EPHA3: variants seen among roughly 807,000 people sequenced by gnomAD.
EPHA3 encodes EPH receptor A3, also known as ephrin type-A receptor 3.
EPHA3 carries 42 observed loss-of-function variants against 107.1 expected under a neutral mutation model. The ratio of observed to expected loss-of-function variants is 0.39; its 90% confidence interval spans 0.31 to 0.51. The LOEUF (loss-of-function observed/expected upper bound fraction) is 0.51. EPHA3 is among the 20% of genes least tolerant of loss of function. The pLI is 0.78. For missense variants in EPHA3, 1,183 were observed against 1,211.2 expected (o/e 0.98, Z 0.35); for synonymous variants, 461 against 424.8 (o/e 1.09, Z -1.05).
intron 3 of EPHA3, among the ~76,000 whole-genome samples, chr3:89,307,761 C>T (rs555427512): frequency 1.3e-5 from 2 of 152,140 alleles, no homozygotes; most frequent in Admixed American, 1.3e-4. Flanking sequence ...TCATGTTGCC[C>T]AGGTTGGTCT....
At chr3:89,451,998 A>G (rs993511252) in intron 15 of EPHA3, among the ~76,000 whole-genome samples, 7 of 152,080 alleles carry the variant, frequency 4.6e-5, no homozygotes, top group African/African-American at 1.7e-4. Flanking sequence ...AAAAAAATCA[A>G]TCATATTTAA....
rs1030633954 is a variant in EPHA3, at chr3:89,360,015, A to C, written c.1306+17925A>C. Among the ~76,000 whole-genome samples, 4 of 149,808 alleles carry C rather than the reference A, an allele frequency of 2.7e-5. 1 individual carries two copies. The highest frequency in any genetic ancestry group is 9.7e-5 in the African/African-American group (4 of 41,136). ...CTGTAATGGAGACATTATTACCCTT[A>C]TTTTTAGAAGAAACTTATCAAGAGT... is the stretch of plus-strand genomic sequence containing the variant. On this transcript the variant is annotated intron_variant, in intron 5 of 16. Coordinates refer to ENST00000336596, the MANE Select transcript of EPHA3 (RefSeq NM_005233.6).
intron 3 of EPHA3, among the ~76,000 whole-genome samples, chr3:89,223,679 G>T (rs1417686144): frequency 6.6e-6 from 1 of 152,150 alleles, no homozygotes; most frequent in Non-Finnish European, 1.5e-5. Context: ...AGCATAAAAT[G>T]ATGGCGTGAC....
chr3:89,252,073 AT>A (rs1253621419), intron 3 of EPHA3, among the ~76,000 whole-genome samples: 1 of 152,230 alleles, frequency 6.6e-6, no homozygotes, highest in Non-Finnish European at 1.5e-5. Flanking sequence ...GGAATAATAA[AT>A]TATAAAGGAA....
chr3:89,271,073 A>T (rs1705656353), intron 3 of EPHA3, among the ~76,000 whole-genome samples: 1 of 152,038 alleles, frequency 6.6e-6, no homozygotes, highest in African/African-American at 2.4e-5. Context: ...GTACAAACAA[A>T]ATATAGATTA....
intron 13 of EPHA3, among the ~76,000 whole-genome samples, chr3:89,448,123 G>A (rs1034510247): frequency 7.2e-5 from 11 of 152,106 alleles, no homozygotes; most frequent in Non-Finnish European, 1.3e-4. Flanking sequence ...TTGGCTCCAC[G>A]TTCCACATTA....
chr3:89,355,663 C>T (rs1707930933), intron 5 of EPHA3, among the ~76,000 whole-genome samples: 2 of 150,714 alleles, frequency 1.3e-5, no homozygotes, highest in Admixed American at 1.3e-4. Flanking sequence ...AAGTCCTACA[C>T]ATAGATTGTT....
chr3:89,294,661 C>T (rs2107335202), intron 3 of EPHA3, among the ~76,000 whole-genome samples: 1 of 152,118 alleles, frequency 6.6e-6, no homozygotes, highest in East Asian at 1.9e-4. Context: ...TAGTTTTTAT[C>T]TCTAGTTTTA....
intron 3 of EPHA3, among the ~76,000 whole-genome samples, chr3:89,239,585 A>G (rs1704847867): frequency 6.6e-6 from 1 of 152,230 alleles, no homozygotes; most frequent in Non-Finnish European, 1.5e-5. Flanking sequence ...GGGAATTCAT[A>G]GTAGCATTTT....
At chr3:89,207,555 C>G (rs993079640) in intron 2 of EPHA3, among the ~76,000 whole-genome samples, 1 of 150,300 alleles carries the variant, frequency 6.7e-6, no homozygotes, top group East Asian at 2.0e-4. Context: ...AAAAAACACA[C>G]AAGAAAATCA....
At chr3:89,181,714 C>T (rs572199781) in intron 2 of EPHA3, among the ~76,000 whole-genome samples, 1 of 151,952 alleles carries the variant, frequency 6.6e-6, no homozygotes, top group Admixed American at 6.6e-5. Flanking sequence ...TTTTGAAATA[C>T]CTTGTTCAAA....
chr3:89,471,561 T>C lies in EPHA3; in HGVS notation c.2691-903T>C, dbSNP rs557420609. 1.5e-3 allele frequency among the ~76,000 whole-genome samples: 226 copies of C among 152,074 alleles called. 1 individual carries two copies. The highest frequency in any genetic ancestry group is 0.01 in the Middle Eastern group (3 of 294). ...GTATTTTTAGTAGAGATGGAGTTTC[T>C]CCATGTTGGTGAGGTTGGTCTCGAA... On this transcript the variant is annotated intron_variant, in intron 15 of 16. Coordinates refer to ENST00000336596, the MANE Select transcript of EPHA3 (RefSeq NM_005233.6).
intron 13 of EPHA3, among the ~76,000 whole-genome samples, chr3:89,448,031 G>A (rs1709911620): frequency 6.6e-6 from 1 of 151,882 alleles, no homozygotes; most frequent in African/African-American, 2.4e-5. Context: ...ATCAAATATT[G>A]TACTTATCTT....
At chr3:89,195,172 C>T (rs1417324309) in intron 2 of EPHA3, among the ~76,000 whole-genome samples, 2 of 151,572 alleles carry the variant, frequency 1.3e-5, no homozygotes, top group Non-Finnish European at 2.9e-5. Context: ...TTCTGTGTTT[C>T]ATGTTGACAT....
intron 2 of EPHA3, among the ~76,000 whole-genome samples, chr3:89,179,546 G>GC (rs943627522): frequency 6.6e-6 from 1 of 151,650 alleles, no homozygotes; most frequent in African/African-American, 2.4e-5. Context: ...CATCTTTTTC[G>GC]CTTAGATTGA....
intron 2 of EPHA3, among the ~76,000 whole-genome samples, chr3:89,153,424 A>T (rs1170941145): frequency 6.6e-6 from 1 of 151,934 alleles, no homozygotes; most frequent in African/African-American, 2.4e-5. Context: ...AAAGGAAAAA[A>T]GTTGTTTTCC....
intron 3 of EPHA3, among the ~76,000 whole-genome samples, chr3:89,268,507 G>GAT (rs1171983056): frequency 6.6e-6 from 1 of 151,744 alleles, no homozygotes; most frequent in Non-Finnish European, 1.5e-5. Context: ...CTTATTTCTT[G>GAT]ATATGTGTGG....
intron 2 of EPHA3, among the ~76,000 whole-genome samples, chr3:89,205,523 T>C (rs554475653): frequency 6.6e-6 from 1 of 152,262 alleles, no homozygotes; most frequent in Admixed American, 6.5e-5. Flanking sequence ...TTTCTTATAC[T>C]TGAAATGATC....
chr3:89,185,144 T>C (rs1453187908), intron 2 of EPHA3, among the ~76,000 whole-genome samples: 3 of 152,062 alleles, frequency 2.0e-5, no homozygotes, highest in Non-Finnish European at 4.4e-5. Context: ...ATTATGTTGT[T>C]TCCTGTATAA....
Sources: allele counts gnomAD v4.1 joint callset (sites outside exome capture counted in the v4.1 genomes callset), GRCh38; gene constraint gnomAD v4.1.1; transcripts MANE v1.5; gene names NCBI Gene and HGNC (gene_info 2026-07-23, HGNC 2026-07-21).